LYPD5: variants seen among roughly 807,000 people sequenced by gnomAD.
LYPD5 encodes the protein LY6/PLAUR domain containing 5, also known as ly6/PLAUR domain-containing protein 5.
A neutral mutation model predicts 19.1 loss-of-function variants in LYPD5; 21 were observed. The observed-to-expected ratio is 1.10, with a 90% CI of 0.78 to 1.58. LYPD5 has a LOEUF of 1.58. Ranked by LOEUF, LYPD5 falls within the 40% of genes most tolerant of loss-of-function variation. LYPD5 has a pLI of 0.00. For synonymous variants in LYPD5, 128 were observed against 142.7 expected (o/e 0.90, Z 0.74); for missense variants, 287 against 329.8 (o/e 0.87, Z 1.00).
At position 43,796,856 on chromosome 19, in the gene LYPD5, T is replaced by C. The variant is rs962138093; in HGVS notation, c.*735A>G. 1.3e-5 allele frequency: 2 copies of C among 152,250 alleles called. No homozygotes were observed. Among genetic ancestry groups the C allele is most frequent in the African/African-American group, 4.8e-5 (2 of 41,462 alleles). The allele number at this position is 152,250 out of a possible 1,614,324, so 9.4% of individuals were successfully genotyped here. A position where few individuals can be genotyped will look rare whatever the true frequency, so the allele number is the denominator to read the frequency against. Reference sequence around the variant, plus strand: ...AATCCTCACTGCAACTACTGTGAAGTAGTTCTTGTCATGTTATAGAGTTTA... The same window carrying C: ...AATCCTCACTGCAACTACTGTGAAGCAGTTCTTGTCATGTTATAGAGTTTA... On this transcript the variant is annotated 3_prime_UTR_variant, in exon 5 of 5. Coordinates refer to ENST00000377950, the MANE Select transcript of LYPD5 (RefSeq NM_001031749.3).
At chr19:43,806,063 A>G (rs1229267113), upstream of LYPD5, among the ~76,000 whole-genome samples, 1 of 152,128 alleles carries the variant, frequency 6.6e-6, no homozygotes, top group African/African-American at 2.4e-5. Flanking sequence ...ACTCTAGATC[A>G]GGGATCCCCA....
chr19:43,812,560 C>A (rs1970335592), intron 1 of LYPD5, among the ~76,000 whole-genome samples: 1 of 152,220 alleles, frequency 6.6e-6, no homozygotes, highest in Non-Finnish European at 1.5e-5. Flanking sequence ...CCCTTCCCTT[C>A]TTTTCAGACT....
At chr19:43,801,319 G>C (rs886707719) in intron 1 of LYPD5, among the ~76,000 whole-genome samples, 1 of 152,148 alleles carries the variant, frequency 6.6e-6, no homozygotes, top group Non-Finnish European at 1.5e-5. Flanking sequence ...GGGCAACATA[G>C]TGAAACCCCA....
rs1415837737 is a variant in LYPD5, at chr19:43,802,253, C to T, written c.64+64G>A. On this transcript the variant is annotated intron_variant, in intron 1 of 4. Coordinates refer to ENST00000377950, the MANE Select transcript of LYPD5 (RefSeq NM_001031749.3). ...GGAGTCCAGGCCCCCAGTCTCTCCT[C>T]CCTCAGATCTAGGAGTCCAGGCCAC... The T allele has an allele frequency of 3.5e-6, 5 of 1,424,970 alleles. No individual in the cohort carries two copies. In the East Asian group the frequency reaches 1.0e-4, roughly 28 times the overall value. The allele number at this position is 1,424,970 out of a possible 1,614,324, so 88.3% of individuals were successfully genotyped here. A position where few individuals can be genotyped will look rare whatever the true frequency, so the allele number is the denominator to read the frequency against.
intron 1 of LYPD5, chr19:43,820,342 C>T (rs1970408382): frequency 6.6e-6 from 1 of 152,104 alleles, no homozygotes; most frequent in Admixed American, 6.6e-5. Context: ...TAGGGCACAT[C>T]CTTGGCTCTA....
At chr19:43,808,576 C>G (rs1568405755) in intron 1 of LYPD5, among the ~76,000 whole-genome samples, 1 of 152,162 alleles carries the variant, frequency 6.6e-6, no homozygotes, top group Non-Finnish European at 1.5e-5. Context: ...TTCCTGTCTT[C>G]CAGTTATTTC....
upstream of LYPD5, among the ~76,000 whole-genome samples, chr19:43,803,899 G>A (rs533188815): frequency 2.8e-3 from 423 of 152,046 alleles, 4 homozygotes; most frequent in Non-Finnish European, 3.8e-3. Context: ...GTGCAGTGGC[G>A]TGATCTCGGC....
rs761360632 is a variant in LYPD5 at position 43,797,710 on chromosome 19, A to G, written c.637T>C (p.Cys213Arg). The change falls in exon 5 of 5, where the codon TGC becomes CGC. Residue 213 changes from cysteine to arginine, a missense_variant. Physicochemically the swap from Cys to Arg is radical, Grantham distance 180 (BLOSUM62 -3). Transcript: ENST00000377950. ...LQGSCCEGYL[C>R]NRKSMTQPFT... ...GGCTGGGTCATGGATTTCCTGTTGC[A>G]GAGGTACCCCTCACAGCAGGAGCCC... The G allele has an allele frequency of 2.5e-6, 4 of 1,613,458 alleles. No homozygotes were observed. The East Asian group carries it at 8.9e-5, about 36-fold the overall frequency.
chr19:43,803,863 C>A (rs1028524472), upstream of LYPD5, among the ~76,000 whole-genome samples: 6 of 151,906 alleles, frequency 3.9e-5, no homozygotes, highest in Non-Finnish European at 8.8e-5. Flanking sequence ...TTTGAGACGG[C>A]GTCTCACTCT....
In LYPD5 at chr19:43,797,122, G is replaced by C. The variant is rs1482970683; in HGVS notation, c.*469C>G. ...AACTCGCTCATGGTCTCTGCAGGCTGAATGGTGGAGCTGGGATTTGAACCC... is the reference window on the plus strand; with the variant it reads ...AACTCGCTCATGGTCTCTGCAGGCTCAATGGTGGAGCTGGGATTTGAACCC... On this transcript the variant is annotated 3_prime_UTR_variant, in exon 5 of 5. Transcript: ENST00000377950. 1.3e-5 allele frequency: 2 copies of C among 154,824 alleles called. No individual in the cohort carries two copies. The highest frequency in any genetic ancestry group is 4.8e-5 in the African/African-American group (2 of 41,484). The allele number at this position is 154,824 out of a possible 1,614,324, so 9.6% of individuals were successfully genotyped here. A position where few individuals can be genotyped will look rare whatever the true frequency, so the allele number is the denominator to read the frequency against.
At chr19:43,811,071 G>C (rs564246710) in intron 1 of LYPD5, among the ~76,000 whole-genome samples, 1 of 152,288 alleles carries the variant, frequency 6.6e-6, no homozygotes, top group South Asian at 2.1e-4. Context: ...AATATCCTTT[G>C]TATTTATATT....
intron 1 of LYPD5, among the ~76,000 whole-genome samples, chr19:43,812,002 C>G (rs1438929992): frequency 6.6e-6 from 1 of 152,076 alleles, no homozygotes; most frequent in African/African-American, 2.4e-5. Flanking sequence ...TTCTGCTGGG[C>G]TCTGTCATGT....
At chr19:43,805,799 CA>C (rs1247100534), upstream of LYPD5, among the ~76,000 whole-genome samples, 1 of 152,226 alleles carries the variant, frequency 6.6e-6, no homozygotes. Flanking sequence ...TGAACCACCA[CA>C]CCTGGCCTCT....
chr19:43,806,337 A>AC (rs1332316243), upstream of LYPD5, among the ~76,000 whole-genome samples: 1 of 151,566 alleles, frequency 6.6e-6, no homozygotes, highest in African/African-American at 2.4e-5. Context: ...GTCTCCCATC[A>AC]CCCCTAGAGG....
rs1970234675 is a variant in LYPD5, at chr19:43,802,352, A to C, written c.29T>G (p.Leu10Arg). 2.6e-6 allele frequency: 4 copies of C among 1,551,726 alleles called. No homozygotes were observed. Among genetic ancestry groups the C allele is most frequent in the Non-Finnish European group, 1.7e-6 (2 of 1,146,998 alleles). ...GAGCGCAGCCCCAAAGAGGCAGAGC[A>C]GAATGACTCTGGGGACCCCCATTGC... MAMGVPRVILLCLFGAALCL... is the reference protein window; with the variant it reads MAMGVPRVIRLCLFGAALCL... Residue 10 changes from leucine (L) to arginine (R), a missense_variant, in exon 1 of 5, where the codon CTG becomes CGG. Transcript: ENST00000377950.
intron 1 of LYPD5, among the ~76,000 whole-genome samples, chr19:43,817,133 C>G (rs1419621585): frequency 6.6e-6 from 1 of 152,204 alleles, no homozygotes; most frequent in African/African-American, 2.4e-5. Flanking sequence ...TGGGGGCTTT[C>G]TGAGCATTTC....
intron 1 of LYPD5, among the ~76,000 whole-genome samples, chr19:43,812,146 G>A (rs1239174851): frequency 1.3e-5 from 2 of 152,112 alleles, no homozygotes; most frequent in African/African-American, 4.8e-5. Flanking sequence ...GAGTTGCAAC[G>A]TTCCAAAGGG....
chr19:43,805,875 A>C (rs993568978), upstream of LYPD5, among the ~76,000 whole-genome samples: 9 of 150,858 alleles, frequency 6.0e-5, no homozygotes, highest in African/African-American at 2.2e-4. Context: ...TCAGATCTTA[A>C]TTTTCTTTTA....
rs931708089 is a variant in LYPD5 at position 43,797,883 on chromosome 19, C to A, written c.518-54G>T. 5.9e-6 allele frequency: 8 copies of A among 1,362,662 alleles called. No individual in the cohort carries two copies. The African/African-American group carries it at 1.0e-4, about 17-fold the overall frequency. The allele number at this position is 1,362,662 out of a possible 1,614,324, so 84.4% of individuals were successfully genotyped here. A position where few individuals can be genotyped will look rare whatever the true frequency, so the allele number is the denominator to read the frequency against. On this transcript the variant is annotated intron_variant, in intron 4 of 4. Transcript: ENST00000377950. ...GTCAGAACTGAGGGAGACAGCTGCACCTGAACCTTCACCTTGGTAGCTAGG... is the reference window on the plus strand; with the variant it reads ...GTCAGAACTGAGGGAGACAGCTGCAACTGAACCTTCACCTTGGTAGCTAGG...
Sources: allele counts gnomAD v4.1 joint callset (sites outside exome capture counted in the v4.1 genomes callset), GRCh38; gene constraint gnomAD v4.1.1; transcripts MANE v1.5; gene names NCBI Gene and HGNC (gene_info 2026-07-23, HGNC 2026-07-21).